MCMBP: variants seen among roughly 807,000 people sequenced by gnomAD.
MCMBP encodes the protein mini-chromosome maintenance complex-binding protein.
A neutral mutation model predicts 81.3 loss-of-function variants in MCMBP; 31 were observed. The ratio of observed to expected loss-of-function variants is 0.38; its 90% CI spans 0.29 to 0.51. The LOEUF (loss-of-function observed/expected upper bound fraction) is 0.51. MCMBP is among the 20% of genes least tolerant of loss of function. MCMBP has a pLI of 0.87. For synonymous variants in MCMBP, 267 were observed against 275.9 expected (o/e 0.97, Z 0.32); for missense variants, 645 against 772.1 (o/e 0.84, Z 1.95).
At chr10:119,850,178 T>G (rs922506817) in intron 6 of MCMBP, among the ~76,000 whole-genome samples, 2 of 152,210 alleles carry the variant, frequency 1.3e-5, no homozygotes, top group Non-Finnish European at 2.9e-5. Context: ...GACAAACTAC[T>G]GATACATGCA....
intron 1 of MCMBP, among the ~76,000 whole-genome samples, chr10:119,868,494 GATT>G (rs1409358287): frequency 6.6e-6 from 1 of 152,172 alleles, no homozygotes; most frequent in African/African-American, 2.4e-5. Context: ...CAACATTTCT[GATT>G]AATCAGTCTT....
intron 5 of MCMBP, among the ~76,000 whole-genome samples, chr10:119,853,823 A>C (rs1852923240): frequency 6.6e-6 from 1 of 152,158 alleles, no homozygotes; most frequent in South Asian, 2.1e-4. Context: ...TAGTCATCCT[A>C]GGCATTTGGG....
intron 1 of MCMBP, among the ~76,000 whole-genome samples, chr10:119,871,631 A>G (rs1828617365): frequency 6.6e-6 from 1 of 152,004 alleles, no homozygotes; most frequent in Non-Finnish European, 1.5e-5. Context: ...TAGTACCCCA[A>G]GATGTTTTTT....
At chr10:119,863,239 C>CTT (rs1853325591) in intron 1 of MCMBP, among the ~76,000 whole-genome samples, 2 of 152,184 alleles carry the variant, frequency 1.3e-5, no homozygotes, top group South Asian at 4.1e-4. Context: ...AACCCCAGGT[C>CTT]ACAAAGATCT....
At chr10:119,862,175 T>C (rs941863505) in intron 1 of MCMBP, among the ~76,000 whole-genome samples, 2 of 152,106 alleles carry the variant, frequency 1.3e-5, no homozygotes, top group African/African-American at 4.8e-5. Context: ...GGCGTGATGG[T>C]GTGCGCCTGT....
rs1852026985 is a variant in MCMBP at position 119,831,335 on chromosome 10, TG to T, written c.*138del. On this transcript the variant is annotated 3_prime_UTR_variant, in exon 16 of 16. Transcript: ENST00000369077. ...TACTGAATATCATATAAACATCAGG[TG>T]TTACCAGGCTTGATTTCAGGAAATG... 2.1e-6 allele frequency: 2 copies of T among 934,652 alleles called. No individual in the cohort carries two copies. The highest frequency in any genetic ancestry group is 3.3e-5 in the African/African-American group (2 of 60,362). 57.9% of individuals were successfully genotyped at this position (934,652 alleles called of 1,614,324 possible). A position where few individuals can be genotyped will look rare whatever the true frequency, so the allele number is the denominator to read the frequency against.
At position 119,849,437 on chromosome 10, in the gene MCMBP, T is replaced by TGCA; in HGVS notation, c.711_713dup (p.Ala238dup). 6.2e-7 allele frequency: 1 copy of TGCA among 1,610,252 alleles called. No individual in the cohort carries two copies. The highest frequency in any genetic ancestry group is 8.5e-7 in the Non-Finnish European group (1 of 1,178,884). On this transcript the variant is annotated inframe_insertion, in exon 7 of 16. Coordinates refer to ENST00000369077, the MANE Select transcript of MCMBP (RefSeq NM_001256378.2). ...AAGGTTTTATTACCTTCACAAGGCATGCAGGGCCCTTCTCTCCTGGCAATG... is the reference window on the plus strand; with the variant it reads ...AAGGTTTTATTACCTTCACAAGGCATGCAGCAGGGCCCTTCTCTCCTGGCAATG...
intron 9 of MCMBP, 38 bp downstream of exon 9, chr10:119,843,216 C>T (rs1415685806): frequency 8.1e-6 from 13 of 1,611,090 alleles, no homozygotes; most frequent in Admixed American, 6.7e-5. Context: ...CTGAGGCTAA[C>T]AGTCGATAGT....
chr10:119,859,581 T>C (rs746522190), intron 2 of MCMBP, among the ~76,000 whole-genome samples: 3 of 152,116 alleles, frequency 2.0e-5, no homozygotes, highest in Non-Finnish European at 2.9e-5. Context: ...TCTCAGGAAG[T>C]AACAGTCAGT....
At chr10:119,863,322 T>C (rs1030958596) in intron 1 of MCMBP, among the ~76,000 whole-genome samples, 4 of 152,196 alleles carry the variant, frequency 2.6e-5, no homozygotes, top group Non-Finnish European at 5.9e-5. Flanking sequence ...TAATTTTATA[T>C]AAAATATGAG....
chr10:119,839,342 A>G (rs1174726935), intron 11 of MCMBP, among the ~76,000 whole-genome samples: 1 of 152,102 alleles, frequency 6.6e-6, no homozygotes, highest in Non-Finnish European at 1.5e-5. Context: ...ACACCAATCC[A>G]TTCTTCCATC....
At chr10:119,834,665 C>G (rs1236197674) in intron 14 of MCMBP, among the ~76,000 whole-genome samples, 1 of 151,240 alleles carries the variant, frequency 6.6e-6, no homozygotes, top group Admixed American at 6.6e-5. Context: ...CACACACAAA[C>G]ACACACACAC....
At chr10:119,867,349 A>G (rs1312220876) in intron 1 of MCMBP, among the ~76,000 whole-genome samples, 1 of 149,820 alleles carries the variant, frequency 6.7e-6, no homozygotes, top group Non-Finnish European at 1.5e-5. Context: ...GGGAGCACGT[A>G]CTTTCACTCA....
chr10:119,843,764 C>T (rs930392165), intron 8 of MCMBP, among the ~76,000 whole-genome samples: 6 of 151,938 alleles, frequency 3.9e-5, no homozygotes, highest in Admixed American at 2.0e-4. Context: ...TGGGTTCAAG[C>T]GATTCTCATG....
intron 6 of MCMBP, among the ~76,000 whole-genome samples, chr10:119,850,470 C>T (rs1223483028): frequency 5.3e-5 from 8 of 152,060 alleles, no homozygotes; most frequent in Non-Finnish European, 8.8e-5. Flanking sequence ...AAAGAACAGG[C>T]CAGGTGCAGT....
chr10:119,839,590 G>A (rs968325484), intron 11 of MCMBP, among the ~76,000 whole-genome samples: 1 of 152,130 alleles, frequency 6.6e-6, no homozygotes, highest in African/African-American at 2.4e-5. Context: ...TTCTCAAAAT[G>A]TGGTCCCGAG....
At chr10:119,831,640 GGATAGTAA>G (rs1313669705) in intron 15 of MCMBP, 40 bp from the exon 16 acceptor site, 3 of 1,596,720 alleles carry the variant, frequency 1.9e-6, no homozygotes, top group Non-Finnish European at 2.6e-6. Context: ...TCTAGAGCTG[GGATAGTAA>G]GTTTTAAATT....
At chr10:119,866,023 G>A (rs1037333930) in intron 1 of MCMBP, among the ~76,000 whole-genome samples, 1 of 151,674 alleles carries the variant, frequency 6.6e-6, no homozygotes, top group African/African-American at 2.4e-5. Context: ...GGAAGTTCAA[G>A]GCTGCGGTGA....
At chr10:119,837,588 T>G (rs1024353057) in intron 12 of MCMBP, among the ~76,000 whole-genome samples, 2 of 152,170 alleles carry the variant, frequency 1.3e-5, no homozygotes, top group African/African-American at 4.8e-5. Context: ...TCTCAGACAT[T>G]CTCTGAAAAC....
Sources: allele counts gnomAD v4.1 joint callset (sites outside exome capture counted in the v4.1 genomes callset), GRCh38; gene constraint gnomAD v4.1.1; transcripts MANE v1.5; gene names NCBI Gene and HGNC (gene_info 2026-07-23, HGNC 2026-07-21).